The following XKR6 variants were observed in gnomAD, a reference collection of about 807,000 sequenced individuals.
The protein encoded by XKR6 is XK related 6, also known as XK-related protein 6.
In XKR6, 22 loss-of-function variants were observed where a neutral mutation model predicts 56.7. The ratio of observed to expected loss-of-function variants is 0.39; its 90% CI spans 0.28 to 0.55. The LOEUF (loss-of-function observed/expected upper bound fraction) is 0.55. Ranked by LOEUF, XKR6 falls within the 20% of genes least tolerant of loss-of-function variation. XKR6 has a pLI of 0.66. For synonymous variants in XKR6, 524 were observed against 387.8 expected (o/e 1.35, Z -4.13); for missense variants, 852 against 889.0 (o/e 0.96, Z 0.53).
At chr8:10,930,538 A>G (rs1801023147) in intron 1 of XKR6, among the ~76,000 whole-genome samples, 3 of 152,252 alleles carry the variant, frequency 2.0e-5, no homozygotes, top group Non-Finnish European at 4.4e-5. Flanking sequence ...ACATAGATGC[A>G]AAAATCTTCA....
intron 1 of XKR6, among the ~76,000 whole-genome samples, chr8:10,949,290 A>T (rs1050668601): frequency 6.6e-6 from 1 of 152,024 alleles, no homozygotes; most frequent in Non-Finnish European, 1.5e-5. Context: ...AGCTTAGTGG[A>T]CTCTCCATAA....
intron 1 of XKR6, among the ~76,000 whole-genome samples, chr8:11,037,968 A>G (rs1799188967): frequency 6.6e-6 from 1 of 150,920 alleles, no homozygotes; most frequent in South Asian, 2.1e-4. Flanking sequence ...CAGAGGTTGT[A>G]GTGAGCCAAG....
chr8:11,173,835 A>G (rs867958634), intron 1 of XKR6, among the ~76,000 whole-genome samples: 11 of 152,290 alleles, frequency 7.2e-5, no homozygotes, highest in Middle Eastern at 6.8e-3. Flanking sequence ...CCCACCCACA[A>G]GTCACTACTA....
intron 1 of XKR6, among the ~76,000 whole-genome samples, chr8:11,128,067 A>C (rs1799918390): frequency 6.6e-6 from 1 of 152,234 alleles, no homozygotes; most frequent in Admixed American, 6.5e-5. Context: ...AAGCCATCAA[A>C]ATCTTTACGG....
chr8:10,915,188 C>T (rs1401786056), intron 2 of XKR6, among the ~76,000 whole-genome samples: 1 of 152,268 alleles, frequency 6.6e-6, no homozygotes, highest in African/African-American at 2.4e-5. Flanking sequence ...AGCAGAAGCT[C>T]CACAAGGGCA....
intron 1 of XKR6, among the ~76,000 whole-genome samples, chr8:10,990,029 G>A (rs1403612688): frequency 1.3e-5 from 2 of 152,200 alleles, no homozygotes; most frequent in Admixed American, 6.5e-5. Flanking sequence ...CTGCTTCTGC[G>A]TGTGATCTAC....
In XKR6 at chr8:10,897,704, C is replaced by T; in HGVS notation, c.*248G>A. 2.5e-6 allele frequency: 1 copy of T among 404,064 alleles called. No individual in the cohort carries two copies. Among genetic ancestry groups the T allele is most frequent in the South Asian group, 9.9e-5 (1 of 10,074 alleles). 25.0% of individuals were successfully genotyped at this position (404,064 alleles called of 1,614,324 possible). ...GTGTAAAAAACAAAAGAAAGGTTTT[C>T]TTTTTGTTTTTACTTACAAAACATA... On this transcript the variant is annotated 3_prime_UTR_variant, in exon 3 of 3. Transcript: ENST00000416569.
At chr8:11,071,517 C>T (rs1800117508) in intron 1 of XKR6, among the ~76,000 whole-genome samples, 1 of 146,544 alleles carries the variant, frequency 6.8e-6, no homozygotes, top group Admixed American at 6.8e-5. Context: ...AGTCTATGAG[C>T]CCCGAGTCCA....
chr8:11,146,833 G>A (rs1801009810), intron 1 of XKR6, among the ~76,000 whole-genome samples: 1 of 151,962 alleles, frequency 6.6e-6, no homozygotes, highest in African/African-American at 2.4e-5. Context: ...TACATACACA[G>A]ACCTGGAGGG....
intron 1 of XKR6, among the ~76,000 whole-genome samples, chr8:11,096,694 C>T (rs1798272688): frequency 6.6e-6 from 1 of 152,242 alleles, no homozygotes; most frequent in Admixed American, 6.5e-5. Context: ...GCCCCACATC[C>T]CATCAACCCA....
intron 1 of XKR6, among the ~76,000 whole-genome samples, chr8:10,988,451 C>G (rs1331721970): frequency 6.6e-6 from 1 of 152,228 alleles, no homozygotes; most frequent in East Asian, 1.9e-4. Flanking sequence ...GCGTGCCTTA[C>G]AGAGCACACA....
intron 1 of XKR6, among the ~76,000 whole-genome samples, chr8:11,199,162 CTGTT>C (rs1804057117): frequency 1.3e-5 from 2 of 152,182 alleles, no homozygotes; most frequent in Non-Finnish European, 2.9e-5. Flanking sequence ...AGAAAAAAAG[CTGTT>C]TGGTTCAGCC....
intron 1 of XKR6, among the ~76,000 whole-genome samples, chr8:10,989,348 G>C (rs1797935841): frequency 6.6e-6 from 1 of 152,180 alleles, no homozygotes; most frequent in African/African-American, 2.4e-5. Context: ...AGCCAGAAGG[G>C]CCATTCCATG....
At chr8:10,946,762 C>G (rs1801559991) in intron 1 of XKR6, among the ~76,000 whole-genome samples, 1 of 152,092 alleles carries the variant, frequency 6.6e-6, no homozygotes. Flanking sequence ...TGTTCACAGA[C>G]CAGTGGAGGA....
At chr8:11,186,890 G>A (rs372238079) in intron 1 of XKR6, among the ~76,000 whole-genome samples, 11 of 152,046 alleles carry the variant, frequency 7.2e-5, no homozygotes, top group South Asian at 2.1e-4. Flanking sequence ...ACTAACATAC[G>A]CATTGTGGAT....
chr8:10,944,253 A>C (rs765165845), intron 1 of XKR6, among the ~76,000 whole-genome samples: 2 of 152,194 alleles, frequency 1.3e-5, no homozygotes, highest in Non-Finnish European at 2.9e-5. Flanking sequence ...GATGTTCCCA[A>C]AGGTAGATGA....
At chr8:10,951,164 C>G (rs151144764) in intron 1 of XKR6, among the ~76,000 whole-genome samples, 5 of 152,300 alleles carry the variant, frequency 3.3e-5, no homozygotes, top group African/African-American at 1.2e-4. Context: ...CACCCCAGGT[C>G]CCTGCCCTTG....
intron 1 of XKR6, among the ~76,000 whole-genome samples, chr8:11,134,029 G>T (rs1486597083): frequency 6.6e-6 from 1 of 152,010 alleles, no homozygotes; most frequent in Non-Finnish European, 1.5e-5. Flanking sequence ...CATCCTTCAG[G>T]CCCACAGCCC....
At chr8:11,112,845 C>G (rs1024125776) in intron 1 of XKR6, among the ~76,000 whole-genome samples, 1 of 152,178 alleles carries the variant, frequency 6.6e-6, no homozygotes, top group African/African-American at 2.4e-5. Context: ...CCTATCATTA[C>G]AGAAAGCCAC....
Sources: allele counts gnomAD v4.1 joint callset (sites outside exome capture counted in the v4.1 genomes callset), GRCh38; gene constraint gnomAD v4.1.1; transcripts MANE v1.5; gene names NCBI Gene and HGNC (gene_info 2026-07-23, HGNC 2026-07-21).